Variants in PTPRJ observed in about 807,000 individuals in gnomAD.
PTPRJ encodes protein tyrosine phosphatase receptor type J.
In PTPRJ, 129 loss-of-function variants were observed where a neutral mutation model predicts 141.3. The ratio of observed to expected loss-of-function variants is 0.91; its 90% confidence interval spans 0.79 to 1.06. PTPRJ has a LOEUF of 1.06. Ranked by LOEUF, PTPRJ falls within the 50% of genes least tolerant of loss-of-function variation. The pLI is 0.00. For missense variants in PTPRJ, 1,601 were observed against 1,679.7 expected, an observed-to-expected ratio of 0.95 and a Z score of 0.82; for synonymous variants, 610 against 640.5, an observed-to-expected ratio of 0.95 and a Z score of 0.72.
Position 48,156,575 on chromosome 11 carries a change from G to GTT in PTPRJ, c.3438+456_3438+457insTT, listed in dbSNP as rs1565332039. 9.7e-5 allele frequency among the ~76,000 whole-genome samples: 12 copies of GTT among 123,516 alleles called. 2 individuals carry two copies. The highest frequency in any genetic ancestry group is 3.0e-4 in the African/African-American group (10 of 33,066). 81.0% of individuals were successfully genotyped at this position (123,516 alleles called of 152,430 possible). On this transcript the variant is annotated intron_variant, in intron 21 of 24. Coordinates refer to ENST00000418331, the MANE Select transcript of PTPRJ (RefSeq NM_002843.4). ...TGAACCCCTCCTGCCTCCACCCCAG[G>GTT]GTTTTTTTTTTTTTTTTTTTTTTTT...
At chr11:48,131,549 A>G in intron 8 of PTPRJ, 1 of 776,162 alleles carries the variant, frequency 1.3e-6, no homozygotes, top group Non-Finnish European at 2.4e-6. Flanking sequence ...ATCATCTGAA[A>G]CAGAGTTGGC....
At chr11:48,090,604 GT>G (rs1855844170) in intron 1 of PTPRJ, among the ~76,000 whole-genome samples, 1 of 152,214 alleles carries the variant, frequency 6.6e-6, no homozygotes, top group Non-Finnish European at 1.5e-5. Context: ...GAATGCTGCT[GT>G]TTTTTAGACC....
intron 1 of PTPRJ, among the ~76,000 whole-genome samples, chr11:48,050,791 C>T (rs80310183): frequency 0.024 from 3,617 of 152,210 alleles, 145 homozygotes; most frequent in African/African-American, 0.083. Context: ...CCTCCTGTTA[C>T]GCCATGAATT....
intron 1 of PTPRJ, among the ~76,000 whole-genome samples, chr11:48,056,432 G>A (rs1390647592): frequency 6.6e-6 from 1 of 152,170 alleles, no homozygotes; most frequent in African/African-American, 2.4e-5. Flanking sequence ...GTTGTTGCGT[G>A]TAAAGCATTT....
At chr11:48,056,362 C>T (rs1050728844) in intron 1 of PTPRJ, among the ~76,000 whole-genome samples, 2 of 152,174 alleles carry the variant, frequency 1.3e-5, no homozygotes, top group African/African-American at 4.8e-5. Context: ...ACTCTCTGAG[C>T]GTCAGATTCC....
chr11:47,987,692 G>T (rs576840494), intron 1 of PTPRJ, among the ~76,000 whole-genome samples: 1 of 152,106 alleles, frequency 6.6e-6, no homozygotes, highest in Non-Finnish European at 1.5e-5. Flanking sequence ...GACCAGAGAA[G>T]CCCAGAGCAG....
Position 47,980,699 on chromosome 11 carries a change from C to T in PTPRJ, c.-214C>T, listed in dbSNP as rs1853874584. ...GCTCAGGGACGCGGCCCCCCCGCGGCAGCCGCGCTAGGCTCCGGCGTGTGG... is the reference window on the plus strand; with the variant it reads ...GCTCAGGGACGCGGCCCCCCCGCGGTAGCCGCGCTAGGCTCCGGCGTGTGG... On this transcript the variant is annotated 5_prime_UTR_variant, in exon 1 of 25. Coordinates refer to ENST00000418331, the MANE Select transcript of PTPRJ (RefSeq NM_002843.4). 2 of 993,214 alleles carry T rather than the reference C, an allele frequency of 2.0e-6. No homozygotes were observed. The highest frequency in any genetic ancestry group is 4.7e-5 in the South Asian group (1 of 21,416). The allele number at this position is 993,214 out of a possible 1,614,324, so 61.5% of individuals were successfully genotyped here.
intron 1 of PTPRJ, among the ~76,000 whole-genome samples, chr11:48,105,380 C>T (rs1024179232): frequency 2.0e-5 from 3 of 152,100 alleles, no homozygotes; most frequent in Admixed American, 1.3e-4. Context: ...ACAGCATGGA[C>T]GGAGAGGGTC....
At chr11:48,095,305 C>T (rs1016091423) in intron 1 of PTPRJ, among the ~76,000 whole-genome samples, 1 of 152,198 alleles carries the variant, frequency 6.6e-6, no homozygotes, top group African/African-American at 2.4e-5. Flanking sequence ...ACTTATGAGA[C>T]TTTGAGAATT....
intron 8 of PTPRJ, among the ~76,000 whole-genome samples, chr11:48,134,545 A>G (rs1177671421): frequency 6.6e-6 from 1 of 152,210 alleles, no homozygotes; most frequent in Non-Finnish European, 1.5e-5. Flanking sequence ...ATTAAAAAAA[A>G]AATTAATTTT....
At chr11:48,011,815 C>A (rs1026293845) in intron 1 of PTPRJ, among the ~76,000 whole-genome samples, 1 of 152,144 alleles carries the variant, frequency 6.6e-6, no homozygotes, top group South Asian at 2.1e-4. Context: ...GCACATGTCA[C>A]CACACCTGGC....
chr11:48,116,946 A>G (rs1294421056), intron 3 of PTPRJ, among the ~76,000 whole-genome samples: 1 of 152,222 alleles, frequency 6.6e-6, no homozygotes, highest in Non-Finnish European at 1.5e-5. Context: ...CCTTCATGAA[A>G]TTGCTGTGAG....
Position 48,152,953 on chromosome 11 carries a change from A to T in PTPRJ, c.3139-843A>T, listed in dbSNP as rs369984144. Among the ~76,000 whole-genome samples, 61 of 152,274 alleles carry T rather than the reference A, an allele frequency of 4.0e-4. No homozygotes were observed. The East Asian group carries it at 4.1e-3, about 10-fold the overall frequency. On this transcript the variant is annotated intron_variant, in intron 18 of 24. Coordinates refer to ENST00000418331, the MANE Select transcript of PTPRJ (RefSeq NM_002843.4). ...TCTAAATAAGATCCCACTCATAGGT[A>T]TTGGGGGCGAGAAATCCAACATATC... is the stretch of plus-strand genomic sequence containing the variant.
intron 9 of PTPRJ, 60 bp from the exon 10 acceptor site, chr11:48,136,943 A>G: frequency 1.4e-6 from 2 of 1,445,204 alleles, no homozygotes; most frequent in East Asian, 4.6e-5. Context: ...TATAGTAAAT[A>G]GTCCTGGAAT....
intron 1 of PTPRJ, among the ~76,000 whole-genome samples, chr11:48,026,075 A>G (rs1451835689): frequency 1.3e-5 from 2 of 152,134 alleles, no homozygotes; most frequent in Non-Finnish European, 2.9e-5. Context: ...TTCAGCTTCT[A>G]TAGCACTCAC....
At chr11:48,136,626 G>T (rs570930480) in intron 9 of PTPRJ, among the ~76,000 whole-genome samples, 3 of 152,168 alleles carry the variant, frequency 2.0e-5, no homozygotes, top group Non-Finnish European at 2.9e-5. Flanking sequence ...GAGGAGCTTC[G>T]CCTGCAACAG....
intron 3 of PTPRJ, among the ~76,000 whole-genome samples, chr11:48,113,203 C>T (rs531652128): frequency 3.6e-4 from 54 of 152,008 alleles, no homozygotes; most frequent in African/African-American, 1.2e-3. Flanking sequence ...ACTTGATATA[C>T]GAGTTTTATA....
chr11:48,162,371 T>G (rs1040667078), intron 22 of PTPRJ, among the ~76,000 whole-genome samples: 2 of 139,566 alleles, frequency 1.4e-5, no homozygotes, highest in African/African-American at 2.6e-5. Context: ...TCCCACTCCC[T>G]TTCCTCTCCC....
At chr11:48,115,975 A>G (rs1856555525) in intron 3 of PTPRJ, among the ~76,000 whole-genome samples, 1 of 152,232 alleles carries the variant, frequency 6.6e-6, no homozygotes, top group Admixed American at 6.5e-5. Flanking sequence ...ACTAGAGAAT[A>G]TCACTTAACC....
Sources: allele counts gnomAD v4.1 joint callset (sites outside exome capture counted in the v4.1 genomes callset), GRCh38; gene constraint gnomAD v4.1.1; transcripts MANE v1.5; gene names NCBI Gene and HGNC (gene_info 2026-07-23, HGNC 2026-07-21).